SMCO2: variants seen among roughly 807,000 people sequenced by gnomAD.
SMCO2 encodes the protein single-pass membrane protein with coiled-coil domains 2.
Under a neutral mutation model 29.5 loss-of-function variants are expected in SMCO2, and 25 were observed. That is an observed-to-expected ratio of 0.85 (90% CI 0.62 to 1.18). The LOEUF (loss-of-function observed/expected upper bound fraction) is 1.18, where lower values mean the gene tolerates loss of function less well. SMCO2 is among the 50% of genes most tolerant of loss of function. The probability of loss-of-function intolerance (pLI) is 0.00; values close to 1 mark genes in which losing one functional copy is unlikely to be tolerated. For synonymous variants in SMCO2, 117 were observed against 123.3 expected, an observed-to-expected ratio of 0.95 and a Z score of 0.34; for missense variants, 348 against 344.5, an observed-to-expected ratio of 1.01 and a Z score of -0.08.
intron 2 of SMCO2, among the ~76,000 whole-genome samples, chr12:27,471,440 C>G (rs977801030): frequency 1.3e-5 from 2 of 152,066 alleles, no homozygotes; most frequent in Non-Finnish European, 2.9e-5. Context: ...CCCCCTCAAC[C>G]CTGACAACAC....
At chr12:27,450,210 G>A in the SMCO2 span, among the ~76,000 whole-genome samples, 11 of 152,264 alleles carry the variant, frequency 7.2e-5, no homozygotes, top group East Asian at 1.7e-3. Flanking sequence ...TTCTCCTCAA[G>A]GCTGTTGACC....
intron 7 of SMCO2, chr12:27,498,366 A>T (rs366448): frequency 0.19 from 41,843 of 221,924 alleles, 7,146 homozygotes; most frequent in African/African-American, 0.42. Flanking sequence ...CCTGAGATAC[A>T]ACAAAAGATT....
chr12:27,447,636 T>C, the SMCO2 span, among the ~76,000 whole-genome samples: 1 of 150,740 alleles, frequency 6.6e-6, no homozygotes, highest in Non-Finnish European at 1.5e-5. Context: ...TCCGCATCTG[T>C]AGTCCCAACT....
At chr12:27,494,601 C>T (rs1253184205) in intron 6 of SMCO2, among the ~76,000 whole-genome samples, 1 of 151,588 alleles carries the variant, frequency 6.6e-6, no homozygotes, top group Non-Finnish European at 1.5e-5. Flanking sequence ...TGGTTTGCTG[C>T]ATCCATCAAC....
chr12:27,458,164 G>A, the SMCO2 span, among the ~76,000 whole-genome samples: 2 of 152,026 alleles, frequency 1.3e-5, no homozygotes, highest in Non-Finnish European at 1.5e-5. Flanking sequence ...TAACTTAAGC[G>A]CATTAGTATT....
At chr12:27,495,192 G>A (rs79913349) in intron 6 of SMCO2, among the ~76,000 whole-genome samples, 3,552 of 152,032 alleles carry the variant, frequency 0.023, 81 homozygotes, top group Non-Finnish European at 0.034. Flanking sequence ...GACACTCTCC[G>A]TTCCCACACC....
At chr12:27,449,262 A>G in the SMCO2 span, among the ~76,000 whole-genome samples, 9 of 152,186 alleles carry the variant, frequency 5.9e-5, no homozygotes, top group Non-Finnish European at 1.3e-4. Context: ...GCCACACCCA[A>G]ACGAAATACT....
At chr12:27,449,402 A>T in the SMCO2 span, among the ~76,000 whole-genome samples, 1 of 152,256 alleles carries the variant, frequency 6.6e-6, no homozygotes, top group African/African-American at 2.4e-5. Context: ...ACAAGTTGAC[A>T]TACTTTCTCA....
the SMCO2 span, among the ~76,000 whole-genome samples, chr12:27,445,120 A>G: frequency 2.0e-5 from 3 of 152,190 alleles, no homozygotes; most frequent in Non-Finnish European, 2.9e-5. Flanking sequence ...GTTCTCACTC[A>G]TATGTGGGAG....
chr12:27,469,101 T>G (rs1474529455), intron 1 of SMCO2, among the ~76,000 whole-genome samples: 1 of 152,172 alleles, frequency 6.6e-6, no homozygotes, highest in Non-Finnish European at 1.5e-5. Flanking sequence ...TGGTATTCTA[T>G]TTTTTGGACC....
chr12:27,457,074 C>T, the SMCO2 span, among the ~76,000 whole-genome samples: 5 of 152,196 alleles, frequency 3.3e-5, no homozygotes, highest in South Asian at 4.1e-4. Context: ...TTGTCTTTCA[C>T]GAAACTGGTC....
the SMCO2 span, among the ~76,000 whole-genome samples, chr12:27,443,873 A>G: frequency 6.6e-6 from 1 of 152,230 alleles, no homozygotes. Context: ...GAAATAATTA[A>G]TATTGTTAAA....
At chr12:27,449,264 C>G in the SMCO2 span, among the ~76,000 whole-genome samples, 1 of 152,168 alleles carries the variant, frequency 6.6e-6, no homozygotes, top group Non-Finnish European at 1.5e-5. Context: ...CACACCCAAA[C>G]GAAATACTTG....
At chr12:27,482,850 C>T (rs1379970676) in intron 4 of SMCO2, among the ~76,000 whole-genome samples, 2 of 152,184 alleles carry the variant, frequency 1.3e-5, no homozygotes, top group East Asian at 3.9e-4. Flanking sequence ...CCTCTGTTTC[C>T]CTAGTAGTTG....
At chr12:27,440,451 C>T in the SMCO2 span, among the ~76,000 whole-genome samples, 16 of 152,144 alleles carry the variant, frequency 1.1e-4, no homozygotes, top group Admixed American at 3.9e-4. Flanking sequence ...CAGACAAACC[C>T]GGAATACTCT....
At chr12:27,452,111 C>A in the SMCO2 span, among the ~76,000 whole-genome samples, 5 of 152,260 alleles carry the variant, frequency 3.3e-5, 1 homozygote, top group Middle Eastern at 0.014. Context: ...AGGAATGAAG[C>A]TTTATCAGAA....
the SMCO2 span, among the ~76,000 whole-genome samples, chr12:27,443,296 T>G: frequency 6.6e-6 from 1 of 152,134 alleles, no homozygotes; most frequent in Non-Finnish European, 1.5e-5. Context: ...CCAAAAAACA[T>G]TTTTATAAAA....
At chr12:27,447,669 G>C in the SMCO2 span, among the ~76,000 whole-genome samples, 1 of 151,118 alleles carries the variant, frequency 6.6e-6, no homozygotes, top group Non-Finnish European at 1.5e-5. Context: ...AAGGTGGGAG[G>C]AGGTCAAGGC....
intron 1 of SMCO2, among the ~76,000 whole-genome samples, chr12:27,467,317 G>A (rs1358577606): frequency 6.6e-6 from 1 of 152,080 alleles, no homozygotes; most frequent in Non-Finnish European, 1.5e-5. Flanking sequence ...AAAGCCAATG[G>A]GGTAAGCACA....
Sources: allele counts gnomAD v4.1 joint callset (sites outside exome capture counted in the v4.1 genomes callset), GRCh38; gene constraint gnomAD v4.1.1; transcripts MANE v1.5; gene names NCBI Gene and HGNC (gene_info 2026-07-23, HGNC 2026-07-21).